The following CNBD1 variants were observed in gnomAD, a reference collection of about 807,000 sequenced individuals.
CNBD1 encodes the protein cyclic nucleotide binding domain containing 1.
In CNBD1, 71 loss-of-function variants were observed where a neutral mutation model predicts 54.4. The ratio of observed to expected loss-of-function variants is 1.30; its 90% confidence interval spans 1.08 to 1.59. CNBD1 has a LOEUF of 1.59. CNBD1 is among the 40% of genes most tolerant of loss of function. CNBD1 has a pLI of 0.00. For synonymous variants in CNBD1, 182 were observed against 170.7 expected, an observed-to-expected ratio of 1.07 and a Z score of -0.51; for missense variants, 659 against 518.0, an observed-to-expected ratio of 1.27 and a Z score of -2.64.
At chr8:87,060,838 C>A (rs1346569149) in intron 4 of CNBD1, among the ~76,000 whole-genome samples, 1 of 151,962 alleles carries the variant, frequency 6.6e-6, no homozygotes, top group African/African-American at 2.4e-5. Flanking sequence ...AAAGTGGGTG[C>A]AGAGCATAAC....
intron 3 of CNBD1, 139 bp from the exon 4 acceptor site, chr8:86,939,457 G>T (rs536174497): frequency 2.7e-4 from 136 of 501,712 alleles, no homozygotes; most frequent in African/African-American, 2.4e-3. Flanking sequence ...ACATTCTAAT[G>T]CATTTAAAAA....
chr8:87,179,437 G>A (rs143311521), intron 4 of CNBD1, among the ~76,000 whole-genome samples: 1 of 152,132 alleles, frequency 6.6e-6, no homozygotes, highest in Non-Finnish European at 1.5e-5. Flanking sequence ...TCTTAAAGAA[G>A]AGTCTAAATG....
chr8:87,178,078 G>A (rs370213124), intron 4 of CNBD1, among the ~76,000 whole-genome samples: 3 of 152,310 alleles, frequency 2.0e-5, no homozygotes, highest in Non-Finnish European at 4.4e-5. Context: ...GAAAAAAGGT[G>A]AAATAATAAT....
intron 4 of CNBD1, among the ~76,000 whole-genome samples, chr8:87,020,550 A>G (rs931142234): frequency 6.6e-6 from 1 of 151,968 alleles, no homozygotes; most frequent in African/African-American, 2.4e-5. Flanking sequence ...CCAAATTCCT[A>G]CCTAAGGGGT....
At chr8:87,077,105 G>A (rs141722130) in intron 4 of CNBD1, among the ~76,000 whole-genome samples, 2 of 152,286 alleles carry the variant, frequency 1.3e-5, no homozygotes, top group African/African-American at 4.8e-5. Flanking sequence ...TGTCTCAGAA[G>A]AGGGAGGGCA....
chr8:86,940,276 C>T (rs143963808), intron 4 of CNBD1, among the ~76,000 whole-genome samples: 1,985 of 151,812 alleles, frequency 0.013, 33 homozygotes, highest in Middle Eastern at 0.041. Flanking sequence ...AAGTGATTCT[C>T]CTGCCTCAGC....
At chr8:87,057,632 T>A (rs189816887) in intron 4 of CNBD1, among the ~76,000 whole-genome samples, 54 of 152,272 alleles carry the variant, frequency 3.5e-4, no homozygotes, top group Non-Finnish European at 5.6e-4. Flanking sequence ...GTGGATCACT[T>A]GAAGTCAGAA....
At chr8:87,350,132 A>G (rs1810254463) in intron 8 of CNBD1, among the ~76,000 whole-genome samples, 1 of 152,130 alleles carries the variant, frequency 6.6e-6, no homozygotes, top group Non-Finnish European at 1.5e-5. Flanking sequence ...CTACTATCAT[A>G]TGTTTTGGTG....
chr8:87,403,523 G>A (rs887388003), intron 2 of CNBD1, among the ~76,000 whole-genome samples: 2 of 151,944 alleles, frequency 1.3e-5, no homozygotes, highest in African/African-American at 2.4e-5. Flanking sequence ...AGTTTATGAA[G>A]CAGATACATT....
At chr8:86,891,339 C>G (rs4305916) in intron 2 of CNBD1, among the ~76,000 whole-genome samples, 143,876 of 152,178 alleles carry the variant, frequency 0.95, 68,112 homozygotes, top group East Asian at 1. Context: ...ACTTATTAGA[C>G]AGACTGTCCT....
chr8:87,426,450 A>T (rs1808052669), intron 2 of CNBD1, among the ~76,000 whole-genome samples: 1 of 152,224 alleles, frequency 6.6e-6, no homozygotes, highest in African/African-American at 2.4e-5. Flanking sequence ...TGACAAAATG[A>T]TGTTCCTACA....
chr8:87,282,057 T>C (rs1312569083), intron 6 of CNBD1, among the ~76,000 whole-genome samples: 1 of 151,742 alleles, frequency 6.6e-6, no homozygotes, highest in African/African-American at 2.4e-5. Context: ...TGAGGTATTA[T>C]TCTTTACATT....
chr8:87,337,814 A>T (rs1809979119), intron 8 of CNBD1, among the ~76,000 whole-genome samples: 1 of 152,114 alleles, frequency 6.6e-6, no homozygotes, highest in Non-Finnish European at 1.5e-5. Flanking sequence ...AGTTCTAATG[A>T]CAGAACCTGA....
intron 10 of CNBD1, among the ~76,000 whole-genome samples, chr8:87,377,913 G>A (rs1261968837): frequency 1.3e-5 from 2 of 150,086 alleles, no homozygotes; most frequent in South Asian, 2.1e-4. Context: ...GTGATGATGA[G>A]CATTTTTTCA....
intron 2 of CNBD1, among the ~76,000 whole-genome samples, chr8:87,389,872 A>G (rs970808347): frequency 3.3e-5 from 5 of 152,196 alleles, no homozygotes; most frequent in Non-Finnish European, 7.3e-5. Context: ...AGTAACCAAA[A>G]CAGCATGGTA....
chr8:87,100,798 A>T (rs190384586), intron 4 of CNBD1, among the ~76,000 whole-genome samples: 1 of 152,254 alleles, frequency 6.6e-6, no homozygotes, highest in Admixed American at 6.5e-5. Flanking sequence ...TTAAAGCCTT[A>T]TTTTGTTAGA....
intron 4 of CNBD1, among the ~76,000 whole-genome samples, chr8:86,970,051 A>C (rs1385941604): frequency 6.6e-6 from 1 of 151,746 alleles, no homozygotes; most frequent in Non-Finnish European, 1.5e-5. Context: ...TCATTCTTGA[A>C]TGTTTTTGCT....
chr8:87,041,764 A>C (rs943712024), intron 4 of CNBD1, among the ~76,000 whole-genome samples: 2 of 152,158 alleles, frequency 1.3e-5, no homozygotes, highest in African/African-American at 4.8e-5. Context: ...ATGCCACTGC[A>C]CTCCAGCCCG....
chr8:87,171,551 AT>A (rs1451757347), intron 4 of CNBD1, among the ~76,000 whole-genome samples: 1 of 150,386 alleles, frequency 6.6e-6, no homozygotes, highest in East Asian at 2.0e-4. Context: ...TTTTCTATTA[AT>A]TTTGGGTTTT....
Sources: allele counts gnomAD v4.1 joint callset (sites outside exome capture counted in the v4.1 genomes callset), GRCh38; gene constraint gnomAD v4.1.1; transcripts MANE v1.5; gene names NCBI Gene and HGNC (gene_info 2026-07-23, HGNC 2026-07-21).